Variants in DLG5 observed in about 807,000 individuals in gnomAD.
The protein encoded by DLG5 is discs large MAGUK scaffold protein 5.
In DLG5, 48 loss-of-function variants were observed where a neutral mutation model predicts 189.8. The observed-to-expected ratio is 0.25, with a 90% confidence interval of 0.20 to 0.32. DLG5 has a LOEUF of 0.32. DLG5 is among the 10% of genes least tolerant of loss of function. DLG5 has a pLI of 1.00. For missense variants in DLG5, 2,160 were observed against 2,544.7 expected (o/e 0.85, Z 3.25); for synonymous variants, 1,016 against 1,054.1 (o/e 0.96, Z 0.70).
chr10:77,796,378 C>G lies in DLG5; in HGVS notation c.5308+73G>C. On this transcript the variant is annotated intron_variant, in intron 28 of 31. Transcript: ENST00000372391. The surrounding 1 kb of genome is among the most constrained non-coding windows in gnomAD (Gnocchi z 5.2). The stretch of plus-strand genomic sequence containing the variant: ...CGGTACTGCCACCCACTGTGCACAG[C>G]TGGGCAGGCAGGTGGACAGGGACAT... 1 of 1,609,442 alleles carries G rather than the reference C, an allele frequency of 6.2e-7. No homozygotes were observed. Among genetic ancestry groups the G allele is most frequent in the Non-Finnish European group, 8.5e-7 (1 of 1,176,886 alleles).
chr10:77,844,395 C>T (rs1232280725), intron 5 of DLG5, among the ~76,000 whole-genome samples: 1 of 152,200 alleles, frequency 6.6e-6, no homozygotes, highest in Non-Finnish European at 1.5e-5. Flanking sequence ...GCTCTGTGTA[C>T]TTTTGTTGTA....
chr10:77,886,272 G>A (rs1343425132), intron 1 of DLG5, among the ~76,000 whole-genome samples: 1 of 152,060 alleles, frequency 6.6e-6, no homozygotes, highest in African/African-American at 2.4e-5. Context: ...CACGCACCCT[G>A]GGCTTCCTGC....
chr10:77,836,686 TC>T (rs1843153170), intron 7 of DLG5, among the ~76,000 whole-genome samples: 1 of 152,044 alleles, frequency 6.6e-6, no homozygotes, highest in African/African-American at 2.4e-5. Context: ...AGTTGATAAT[TC>T]CCCTCATCTC....
chr10:77,903,106 A>G (rs985945493), intron 1 of DLG5, among the ~76,000 whole-genome samples: 1 of 152,188 alleles, frequency 6.6e-6, no homozygotes, highest in Non-Finnish European at 1.5e-5. Context: ...TGTTTCATAC[A>G]CACAATTATT....
chr10:77,906,954 C>T (rs1846087435), intron 1 of DLG5, among the ~76,000 whole-genome samples: 1 of 152,056 alleles, frequency 6.6e-6, no homozygotes, highest in African/African-American at 2.4e-5. Flanking sequence ...TTTGCAATCA[C>T]ATCATCCTTC....
chr10:77,812,159 G>T, intron 21 of DLG5, 56 bp downstream of exon 21: 2 of 1,597,596 alleles, frequency 1.3e-6, no homozygotes, highest in South Asian at 1.1e-5. Context: ...GAGGAGGAGA[G>T]GGGGAAGAAG....
intron 7 of DLG5, among the ~76,000 whole-genome samples, chr10:77,838,372 A>C (rs1843251377): frequency 6.6e-6 from 1 of 152,090 alleles, no homozygotes; most frequent in Non-Finnish European, 1.5e-5. Flanking sequence ...TCCTGGGAGC[A>C]ATGAGACTTC....
chr10:77,939,673 T>G, the DLG5 span, among the ~76,000 whole-genome samples: 2 of 152,176 alleles, frequency 1.3e-5, no homozygotes. Flanking sequence ...ACCTCCTTTG[T>G]GTAGAAGCAG....
intron 23 of DLG5, among the ~76,000 whole-genome samples, chr10:77,810,746 G>T (rs557004541): frequency 6.6e-6 from 1 of 152,212 alleles, no homozygotes. Context: ...CACCTCATTG[G>T]GGGAAGCACT....
chr10:77,907,771 AG>A (rs1846107848), intron 1 of DLG5, among the ~76,000 whole-genome samples: 1 of 152,200 alleles, frequency 6.6e-6, no homozygotes, highest in African/African-American at 2.4e-5. Context: ...TGGCAGATTC[AG>A]GATTCAAACC....
At chr10:77,927,333 T>C (rs973948064), upstream of DLG5, 2 of 152,598 alleles carry the variant, frequency 1.3e-5, no homozygotes, top group Non-Finnish European at 2.9e-5. Flanking sequence ...ATACAAATCT[T>C]GCCCCCAGTC....
intron 5 of DLG5, among the ~76,000 whole-genome samples, chr10:77,846,487 G>A (rs1430577194): frequency 6.6e-6 from 1 of 151,674 alleles, no homozygotes; most frequent in Non-Finnish European, 1.5e-5. Flanking sequence ...TCACAAGATT[G>A]GAAGTTCCAG....
intron 1 of DLG5, among the ~76,000 whole-genome samples, chr10:77,893,340 C>T (rs1368357427): frequency 1.3e-5 from 2 of 152,236 alleles, no homozygotes; most frequent in African/African-American, 2.4e-5. Context: ...CTGCCCCCAC[C>T]CAGTAATGCT....
Position 77,792,311 on chromosome 10 carries a change from G to T in DLG5, c.*129C>A. The T allele has an allele frequency of 1.1e-6, 1 of 928,666 alleles. No homozygotes were observed. 57.5% of individuals were successfully genotyped at this position (928,666 alleles called of 1,614,324 possible). A position where few individuals can be genotyped will look rare whatever the true frequency, so the allele number is the denominator to read the frequency against. ...CTGTCTACAAAGGAGGTGCTTCTGG[G>T]TCCTGGTTCCGGATCCTTCCCCCGC... On this transcript the variant is annotated 3_prime_UTR_variant, in exon 32 of 32. Coordinates refer to ENST00000372391, the MANE Select transcript of DLG5 (RefSeq NM_004747.4).
intron 1 of DLG5, among the ~76,000 whole-genome samples, chr10:77,873,047 ACACAC>A (rs1844968943): frequency 1.3e-5 from 2 of 151,552 alleles, no homozygotes; most frequent in African/African-American, 4.9e-5. Context: ...ACACACACAC[ACACAC>A]GAGAGGAGGG....
intron 3 of DLG5, among the ~76,000 whole-genome samples, chr10:77,855,585 T>C (rs1844190232): frequency 6.6e-6 from 1 of 152,220 alleles, no homozygotes; most frequent in Non-Finnish European, 1.5e-5. Context: ...CCAATAAAAC[T>C]TCATTTATAA....
chr10:77,904,885 T>C (rs1305683447), intron 1 of DLG5, among the ~76,000 whole-genome samples: 1 of 151,382 alleles, frequency 6.6e-6, no homozygotes, highest in Non-Finnish European at 1.5e-5. Context: ...TCCCAACACT[T>C]TGAGAGGCTG....
intron 1 of DLG5, among the ~76,000 whole-genome samples, chr10:77,898,179 C>G (rs570906081): frequency 2.0e-4 from 30 of 152,240 alleles, no homozygotes; most frequent in Non-Finnish European, 3.4e-4. Flanking sequence ...TTGGCCACCA[C>G]GCTTAGGCCA....
Position 77,814,461 on chromosome 10 carries a change from T to TTTTATA in DLG5, c.4026-2085_4026-2084insTATAAA, listed in dbSNP as rs1279061097. Reference sequence around the variant, plus strand: ...TATGTACATAAATAATAAAGCATGTTTATATATATATATATATATATATAT... The same window carrying TTTTATA: ...TATGTACATAAATAATAAAGCATGTTTTTATATATATATATATATATATATATATAT... On this transcript the variant is annotated intron_variant, in intron 20 of 31. Coordinates refer to ENST00000372391, the MANE Select transcript of DLG5 (RefSeq NM_004747.4). Among the ~76,000 whole-genome samples the TTTTATA allele has an allele frequency of 3.4e-3, 241 of 70,680 alleles. 3 individuals are homozygous for TTTTATA. The highest frequency in any genetic ancestry group is 0.014 in the Middle Eastern group (1 of 74). The allele number at this position is 70,680 out of a possible 152,430, so 46.4% of individuals were successfully genotyped here.
Sources: allele counts gnomAD v4.1 joint callset (sites outside exome capture counted in the v4.1 genomes callset), GRCh38; gene constraint gnomAD v4.1.1; non-coding constraint Gnocchi (gnomAD v3.1); transcripts MANE v1.5; gene names NCBI Gene and HGNC (gene_info 2026-07-23, HGNC 2026-07-21).